The following ANO3 variants were observed in gnomAD, a reference collection of about 807,000 sequenced individuals.
The protein encoded by ANO3 is anoctamin 3.
Under a neutral mutation model 144.8 loss-of-function variants are expected in ANO3, and 99 were observed. The ratio of observed to expected loss-of-function variants is 0.68; its 90% CI spans 0.58 to 0.81. The LOEUF (loss-of-function observed/expected upper bound fraction) is 0.81. Ranked by LOEUF, ANO3 falls within the 30% of genes least tolerant of loss-of-function variation. The probability of loss-of-function intolerance (pLI) is 0.00; values close to 1 mark genes in which losing one functional copy is unlikely to be tolerated. For synonymous variants in ANO3, 414 were observed against 392.6 expected (o/e 1.05, Z -0.64); for missense variants, 905 against 1,202.2 (o/e 0.75, Z 3.66).
chr11:26,342,975 A>T (rs938297097), intron 1 of ANO3, among the ~76,000 whole-genome samples: 1 of 152,222 alleles, frequency 6.6e-6, no homozygotes, highest in African/African-American at 2.4e-5. Context: ...GTCACCTCAC[A>T]TAATTTGCAA....
chr11:26,452,208 C>G (rs1374776494), intron 3 of ANO3, among the ~76,000 whole-genome samples: 1 of 152,216 alleles, frequency 6.6e-6, no homozygotes, highest in Non-Finnish European at 1.5e-5. Context: ...AGTTCCTCAC[C>G]AGCAATGGAA....
chr11:26,481,292 A>C (rs1860205278), intron 4 of ANO3, among the ~76,000 whole-genome samples: 1 of 152,116 alleles, frequency 6.6e-6, no homozygotes, highest in Non-Finnish European at 1.5e-5. Flanking sequence ...AAAAGGATAC[A>C]GGTGGTTAGA....
chr11:26,462,294 A>G (rs1023771477), intron 3 of ANO3, among the ~76,000 whole-genome samples: 2 of 151,932 alleles, frequency 1.3e-5, no homozygotes, highest in African/African-American at 2.4e-5. Flanking sequence ...TTTAATTTGC[A>G]GAGATATTTA....
chr11:26,299,309 A>C (rs1275048862), intron 1 of ANO3, among the ~76,000 whole-genome samples: 2 of 152,228 alleles, frequency 1.3e-5, no homozygotes, highest in Non-Finnish European at 2.9e-5. Context: ...TATATCAAAG[A>C]AGCTGAAGGT....
chr11:26,554,585 G>A (rs938424812), intron 13 of ANO3, among the ~76,000 whole-genome samples: 5 of 152,056 alleles, frequency 3.3e-5, no homozygotes, highest in Admixed American at 6.6e-5. Context: ...TGTAGTCACC[G>A]AGCCTCGGTG....
chr11:26,418,148 G>A (rs1039606344), intron 1 of ANO3, among the ~76,000 whole-genome samples: 6 of 152,090 alleles, frequency 3.9e-5, no homozygotes, highest in African/African-American at 1.4e-4. Context: ...AGTAAGAACA[G>A]CAGCAGGTGG....
intron 1 of ANO3, among the ~76,000 whole-genome samples, chr11:26,201,978 C>A (rs902749196): frequency 6.6e-6 from 1 of 151,092 alleles, no homozygotes; most frequent in African/African-American, 2.4e-5. Flanking sequence ...TTTACATTTA[C>A]ACTTACGATA....
At chr11:26,638,403 A>G (rs1395879945) in intron 20 of ANO3, among the ~76,000 whole-genome samples, 1 of 152,226 alleles carries the variant, frequency 6.6e-6, no homozygotes, top group Non-Finnish European at 1.5e-5. Context: ...AAGAAAAACC[A>G]TTAGACAAAC....
intron 1 of ANO3, among the ~76,000 whole-genome samples, chr11:26,206,260 A>G (rs942271459): frequency 6.6e-6 from 1 of 152,144 alleles, no homozygotes; most frequent in Non-Finnish European, 1.5e-5. Flanking sequence ...CCTTTCCCTG[A>G]TCTCCAAACA....
chr11:26,402,109 C>T (rs1185784203), intron 1 of ANO3, among the ~76,000 whole-genome samples: 2 of 152,112 alleles, frequency 1.3e-5, no homozygotes, highest in East Asian at 3.9e-4. Flanking sequence ...TGAACATACA[C>T]ATGCGTATGT....
intron 4 of ANO3, among the ~76,000 whole-genome samples, chr11:26,480,055 A>G (rs776428827): frequency 5.9e-5 from 9 of 152,202 alleles, no homozygotes; most frequent in Non-Finnish European, 1.3e-4. Flanking sequence ...CCAAAGCAAG[A>G]GGCATACCTG....
chr11:26,536,640 A>G (rs1849516877), intron 9 of ANO3, among the ~76,000 whole-genome samples: 1 of 152,046 alleles, frequency 6.6e-6, no homozygotes, highest in South Asian at 2.1e-4. Flanking sequence ...CATTATGAAT[A>G]TTTTCTCAAG....
At chr11:26,269,297 C>T (rs1005828677) in intron 1 of ANO3, among the ~76,000 whole-genome samples, 1 of 152,168 alleles carries the variant, frequency 6.6e-6, no homozygotes, top group Non-Finnish European at 1.5e-5. Context: ...TCCTTAGGCA[C>T]CTCTGCCAAA....
In ANO3 at chr11:26,534,494, C is replaced by T; in HGVS notation, c.908C>T (p.Ala303Val). 6.2e-7 allele frequency: 1 copy of T among 1,612,888 alleles called. No individual in the cohort carries two copies. The highest frequency in any genetic ancestry group is 8.5e-7 in the Non-Finnish European group (1 of 1,179,254). ...AATAAAGACACCTTCTTCAGCAATG[C>T]TACTCGAAGCAGAATAGTCTATCAC... ...INNKDTFFSNATRSRIVYHML... is the reference protein window; with the variant it reads ...INNKDTFFSNVTRSRIVYHML... The change falls in exon 9 of 27, where the codon GCT (alanine) becomes GTT (valine). Residue 303 changes from alanine to valine, a missense_variant. Around this residue, in one of 4 missense-constraint regions of ANO3, gnomAD observed 597 missense variants for 865.1 expected, o/e 0.69. Transcript: ENST00000256737.
intron 1 of ANO3, among the ~76,000 whole-genome samples, chr11:26,246,289 AATT>A (rs1391487380): frequency 1.3e-5 from 2 of 152,100 alleles, no homozygotes; most frequent in East Asian, 3.9e-4. Context: ...ATATATTTTC[AATT>A]ATTATTTGTA....
chr11:26,553,127 T>G, intron 12 of ANO3, 122 bp from the exon 13 acceptor site: 1 of 727,232 alleles, frequency 1.4e-6, no homozygotes, highest in Non-Finnish European at 2.4e-6. Context: ...CTATTCCCAT[T>G]TCTTCTCCTT....
chr11:26,329,620 A>G (rs150959506), upstream of ANO3, among the ~76,000 whole-genome samples: 695 of 151,166 alleles, frequency 4.6e-3, 1 homozygote, highest in Non-Finnish European at 5.9e-3. Context: ...AATAACAAAC[A>G]TTCTTTCCTT....
intron 1 of ANO3, among the ~76,000 whole-genome samples, chr11:26,385,800 T>C (rs1000149625): frequency 6.7e-6 from 1 of 148,320 alleles, no homozygotes; most frequent in African/African-American, 2.5e-5. Context: ...TCAATTTGAG[T>C]GTGATGTCCA....
chr11:26,208,611 G>A (rs911939699), intron 1 of ANO3, among the ~76,000 whole-genome samples: 2 of 152,058 alleles, frequency 1.3e-5, no homozygotes, highest in African/African-American at 2.4e-5. Context: ...GAGAATGGAG[G>A]CTCTCCAAAG....
Sources: allele counts gnomAD v4.1 joint callset (sites outside exome capture counted in the v4.1 genomes callset), GRCh38; gene constraint gnomAD v4.1.1; regional missense constraint gnomAD v4.1.1; transcripts MANE v1.5; gene names NCBI Gene and HGNC (gene_info 2026-07-23, HGNC 2026-07-21).